Variants in GALNTL6 observed in about 807,000 individuals in gnomAD.
The protein encoded by GALNTL6 is polypeptide N-acetylgalactosaminyltransferase-like 6.
GALNTL6 carries 46 observed loss-of-function variants against 73.7 expected under a neutral mutation model. The ratio of observed to expected loss-of-function variants is 0.62; its 90% CI spans 0.49 to 0.80. GALNTL6 has a LOEUF of 0.80. Among genes scored for constraint, GALNTL6 ranks in the 30% least tolerant of loss-of-function variants. GALNTL6 has a pLI of 0.00. For synonymous variants in GALNTL6, 259 were observed against 263.7 expected (o/e 0.98, Z 0.17); for missense variants, 604 against 755.0 (o/e 0.80, Z 2.34).
intron 5 of GALNTL6, among the ~76,000 whole-genome samples, chr4:172,724,785 A>G (rs1168815035): frequency 6.6e-6 from 1 of 152,232 alleles, no homozygotes; most frequent in Non-Finnish European, 1.5e-5. Context: ...AATGATTCAG[A>G]AACCTGAGAA....
chr4:172,387,764 T>G (rs1415502591), intron 5 of GALNTL6, among the ~76,000 whole-genome samples: 1 of 152,178 alleles, frequency 6.6e-6, no homozygotes, highest in Non-Finnish European at 1.5e-5. Flanking sequence ...CACCTTCTTC[T>G]GCCAAGTCTA....
At chr4:172,961,873 C>G (rs1051447320) in intron 10 of GALNTL6, among the ~76,000 whole-genome samples, 1 of 152,156 alleles carries the variant, frequency 6.6e-6, no homozygotes, top group African/African-American at 2.4e-5. Flanking sequence ...AAGGGAGGTC[C>G]CCCGATCTGA....
chr4:171,815,351 G>C (rs1560798942), intron 2 of GALNTL6: 1 of 152,546 alleles, frequency 6.6e-6, no homozygotes, highest in Non-Finnish European at 1.5e-5. Context: ...ACAGCTTGCT[G>C]TCATATTGGA....
intron 2 of GALNTL6, among the ~76,000 whole-genome samples, chr4:171,827,337 G>T (rs1734850194): frequency 6.6e-6 from 1 of 152,102 alleles, no homozygotes; most frequent in Admixed American, 6.6e-5. Context: ...CAGGAAAAAG[G>T]TAGAAGTTGC....
chr4:172,360,296 C>G (rs1343834715), intron 5 of GALNTL6, among the ~76,000 whole-genome samples: 2 of 104,080 alleles, frequency 1.9e-5, no homozygotes, highest in East Asian at 6.1e-4. Context: ...TATGTGTATA[C>G]TTTCTTCTTA....
At position 172,934,814 on chromosome 4, in the gene GALNTL6, C is replaced by T. The variant is rs1327439112; in HGVS notation, c.1149+3546C>T. 5.3e-5 allele frequency among the ~76,000 whole-genome samples: 8 copies of T among 152,226 alleles called. No individual in the cohort carries two copies. The East Asian group carries it at 7.7e-4, about 15-fold the overall frequency. Reference sequence around the variant, plus strand: ...TCCTCAGCAAAGGTCCACTGAGTGTCGCTTTGCACAGCCCAAGGAGGCTGA... The same window carrying T: ...TCCTCAGCAAAGGTCCACTGAGTGTTGCTTTGCACAGCCCAAGGAGGCTGA... On this transcript the variant is annotated intron_variant, in intron 9 of 12. Transcript: ENST00000506823.
chr4:173,002,918 G>A (rs1752112416), intron 10 of GALNTL6, among the ~76,000 whole-genome samples: 1 of 152,112 alleles, frequency 6.6e-6, no homozygotes, highest in African/African-American at 2.4e-5. Context: ...ATTTATATGA[G>A]GTTTACAAAA....
intron 2 of GALNTL6, among the ~76,000 whole-genome samples, chr4:171,858,860 A>G (rs142000883): frequency 9.3e-4 from 141 of 152,284 alleles, no homozygotes; most frequent in African/African-American, 3.0e-3. Flanking sequence ...TCTTTTATAC[A>G]ACTATAAAAT....
intron 2 of GALNTL6, among the ~76,000 whole-genome samples, chr4:172,028,036 A>G (rs528349329): frequency 6.6e-6 from 1 of 152,142 alleles, no homozygotes; most frequent in Non-Finnish European, 1.5e-5. Context: ...TCTAGCTAGA[A>G]TAATTGATGA....
intron 5 of GALNTL6, among the ~76,000 whole-genome samples, chr4:172,484,584 A>G (rs947366159): frequency 2.6e-5 from 4 of 152,096 alleles, no homozygotes; most frequent in Non-Finnish European, 4.4e-5. Context: ...CACTGATGAG[A>G]AGGTGACTCA....
intron 7 of GALNTL6, among the ~76,000 whole-genome samples, chr4:172,827,614 G>A (rs1742335757): frequency 6.6e-6 from 1 of 152,028 alleles, no homozygotes; most frequent in African/African-American, 2.4e-5. Context: ...TGATTTGTTG[G>A]AACCAACACC....
chr4:171,861,396 TTTAA>T (rs759081236), intron 2 of GALNTL6, among the ~76,000 whole-genome samples: 19 of 152,196 alleles, frequency 1.2e-4, no homozygotes, highest in Admixed American at 4.6e-4. Flanking sequence ...AATAAAATAG[TTTAA>T]TTGACATTTG....
chr4:172,982,086 C>T (rs975710806), intron 10 of GALNTL6, among the ~76,000 whole-genome samples: 2 of 152,198 alleles, frequency 1.3e-5, no homozygotes, highest in African/African-American at 4.8e-5. Flanking sequence ...TGAACCACCG[C>T]ACCCGGCCAA....
chr4:173,032,647 T>C (rs28630463), intron 12 of GALNTL6, among the ~76,000 whole-genome samples: 4,815 of 152,134 alleles, frequency 0.032, 242 homozygotes, highest in African/African-American at 0.1. Context: ...GTGGCGCCAC[T>C]GTGCTTCAGC....
At chr4:172,702,837 A>G (rs1734104193) in intron 5 of GALNTL6, among the ~76,000 whole-genome samples, 3 of 152,022 alleles carry the variant, frequency 2.0e-5, no homozygotes, top group South Asian at 4.1e-4. Flanking sequence ...TTTTTTTGTC[A>G]TTATAAATGG....
intron 8 of GALNTL6, among the ~76,000 whole-genome samples, chr4:172,904,376 A>G (rs1746774929): frequency 1.3e-5 from 2 of 152,220 alleles, no homozygotes; most frequent in African/African-American, 4.8e-5. Flanking sequence ...GTCTAATAAT[A>G]GAGACAGGAA....
At chr4:172,853,062 C>T (rs1743921534) in intron 7 of GALNTL6, among the ~76,000 whole-genome samples, 1 of 152,226 alleles carries the variant, frequency 6.6e-6, no homozygotes, top group Non-Finnish European at 1.5e-5. Flanking sequence ...TTTATTATCT[C>T]ATGGTTTCTG....
chr4:172,408,494 T>G (rs1329393578), intron 5 of GALNTL6, among the ~76,000 whole-genome samples: 1 of 151,988 alleles, frequency 6.6e-6, no homozygotes, highest in Non-Finnish European at 1.5e-5. Context: ...TATCATATAT[T>G]TACATATGTG....
chr4:172,728,318 A>G (rs953600098), intron 5 of GALNTL6, among the ~76,000 whole-genome samples: 17 of 152,180 alleles, frequency 1.1e-4, no homozygotes, highest in Non-Finnish European at 8.8e-5. Flanking sequence ...GTCTACTGTC[A>G]ATCTTCATGA....
Sources: gnomAD v4.1 joint callset for allele counts (sites outside exome capture counted in the v4.1 genomes callset) on GRCh38, gnomAD v4.1.1 for gene constraint, MANE v1.5 for transcripts, NCBI Gene and HGNC (gene_info 2026-07-23, HGNC 2026-07-21) for gene names.